Variants in ABAT observed in about 807,000 individuals in gnomAD.
The protein encoded by ABAT is 4-aminobutyrate aminotransferase.
Under a neutral mutation model 64.6 loss-of-function variants are expected in ABAT, and 45 were observed. That is an observed-to-expected ratio of 0.70 (90% CI 0.55 to 0.89). The LOEUF is 0.89. Ranked by LOEUF, ABAT falls within the 40% of genes least tolerant of loss-of-function variation. The pLI, the probability that ABAT is intolerant of heterozygous loss-of-function variation, is 0.00. For synonymous variants in ABAT, 297 were observed against 250.5 expected, an observed-to-expected ratio of 1.19 and a Z score of -1.75; for missense variants, 633 against 658.4, an observed-to-expected ratio of 0.96 and a Z score of 0.42.
chr16:8,754,669 T>TCTTTCTTTC (rs2059595626), intron 5 of ABAT, among the ~76,000 whole-genome samples: 3 of 8,806 alleles, frequency 3.4e-4, no homozygotes, highest in African/African-American at 4.7e-4. Flanking sequence ...TTGATTTATT[T>TCTTTCTTTC]ATTTCTTTCT....
intron 11 of ABAT, among the ~76,000 whole-genome samples, chr16:8,772,495 T>A (rs2060142556): frequency 6.6e-6 from 1 of 152,228 alleles, no homozygotes; most frequent in Admixed American, 6.5e-5. Context: ...AGGTGGATTC[T>A]GTCAGTGTGC....
chr16:8,722,832 G>A lies in ABAT; in HGVS notation c.-41-12867G>A, dbSNP rs756504205. 44 of 1,289,002 alleles carry A rather than the reference G, an allele frequency of 3.4e-5. 1 individual carries two copies. In the South Asian group the frequency reaches 5.4e-4, roughly 16 times the overall value. The allele number at this position is 1,289,002 out of a possible 1,614,324, so 79.8% of individuals were successfully genotyped here. A position where few individuals can be genotyped will look rare whatever the true frequency, so the allele number is the denominator to read the frequency against. On this transcript the variant is annotated intron_variant, in intron 1 of 15. Transcript: ENST00000268251. ...TAGAATCAAAGAGGGATATACTAATGCAACTTCGAGGTAGGAGCAAGGCTT... is the reference window on the plus strand; with the variant it reads ...TAGAATCAAAGAGGGATATACTAATACAACTTCGAGGTAGGAGCAAGGCTT...
chr16:8,776,161 C>T lies in ABAT; in HGVS notation c.1123-183C>T, dbSNP rs1230078504. Among the ~76,000 whole-genome samples the T allele has an allele frequency of 6.6e-6, 1 of 152,130 alleles. No homozygotes were observed. The highest frequency in any genetic ancestry group is 1.5e-5 in the Non-Finnish European group (1 of 68,028). ...AATTCAGCAAGATTGGGTGTGTTCTCCTGCTAGCCTCTGGTAGAGAAGAAT... is the reference window on the plus strand; with the variant it reads ...AATTCAGCAAGATTGGGTGTGTTCTTCTGCTAGCCTCTGGTAGAGAAGAAT... On this transcript the variant is annotated intron_variant, in intron 13 of 15. Coordinates refer to ENST00000268251, the MANE Select transcript of ABAT (RefSeq NM_020686.6). The surrounding 1 kb of genome is among the most constrained non-coding windows in gnomAD (Gnocchi z 4.4).
chr16:8,750,571 A>G lies in ABAT; in HGVS notation c.316+32A>G, dbSNP rs1297470047. 2.5e-6 allele frequency: 4 copies of G among 1,591,526 alleles called. No homozygotes were observed. In the African/African-American group the frequency reaches 5.4e-5, roughly 21 times the overall value. On this transcript the variant is annotated intron_variant, in intron 5 of 15. Transcript: ENST00000268251. Reference sequence around the variant, plus strand: ...GCTGGGAAATCATTCCTTGGATATAACCTCTGTTTCTGTCTCTCCTAGTCG... The same window carrying G: ...GCTGGGAAATCATTCCTTGGATATAGCCTCTGTTTCTGTCTCTCCTAGTCG...
At chr16:8,688,840 G>T (rs2057516114) in intron 1 of ABAT, among the ~76,000 whole-genome samples, 1 of 152,194 alleles carries the variant, frequency 6.6e-6, no homozygotes, top group South Asian at 2.1e-4. Flanking sequence ...CACTTTGGGA[G>T]GCCAAGGCAG....
chr16:8,723,507 G>A (rs1419085686), intron 1 of ABAT, among the ~76,000 whole-genome samples: 1 of 152,064 alleles, frequency 6.6e-6, no homozygotes, highest in East Asian at 1.9e-4. Flanking sequence ...CTCTTTCCTT[G>A]GCAACTCCAG....
chr16:8,772,302 G>A (rs1454562755), intron 11 of ABAT, among the ~76,000 whole-genome samples: 2 of 108,178 alleles, frequency 1.8e-5, no homozygotes, highest in Admixed American at 9.3e-5. Flanking sequence ...GTGTGTGTGT[G>A]TGAATGCTCT....
chr16:8,772,338 G>A (rs8056083), intron 11 of ABAT, among the ~76,000 whole-genome samples: 13,087 of 147,688 alleles, frequency 0.089, 1,515 homozygotes, highest in African/African-American at 0.28. Flanking sequence ...CAATATACCC[G>A]TGATGTAGCT....
intron 2 of ABAT, among the ~76,000 whole-genome samples, chr16:8,744,044 T>A (rs1445406397): frequency 6.6e-6 from 1 of 152,144 alleles, no homozygotes; most frequent in African/African-American, 2.4e-5. Context: ...GATTGTGGGA[T>A]TCACCCGGGA....
intron 5 of ABAT, among the ~76,000 whole-genome samples, chr16:8,751,898 G>A (rs2059497291): frequency 6.6e-6 from 1 of 152,224 alleles, no homozygotes; most frequent in African/African-American, 2.4e-5. Flanking sequence ...AATGCAGGTA[G>A]CTGCTATTTG....
intron 1 of ABAT, among the ~76,000 whole-genome samples, chr16:8,688,911 A>C (rs1426122001): frequency 1.3e-5 from 2 of 152,140 alleles, no homozygotes; most frequent in African/African-American, 4.8e-5. Flanking sequence ...TTCCATCTGT[A>C]CTAAAAATAC....
intron 15 of ABAT, among the ~76,000 whole-genome samples, chr16:8,779,955 A>G (rs2060384975): frequency 6.6e-6 from 1 of 152,184 alleles, no homozygotes; most frequent in South Asian, 2.1e-4. Context: ...CCTGGGAAGG[A>G]GAAAACGCAG....
intron 15 of ABAT, chr16:8,780,846 G>A: frequency 3.2e-6 from 1 of 316,236 alleles, no homozygotes; most frequent in Non-Finnish European, 6.0e-6. Context: ...TTTAAAATAA[G>A]CAGAGCCTGT....
intron 1 of ABAT, among the ~76,000 whole-genome samples, chr16:8,726,451 G>A (rs920467263): frequency 6.6e-6 from 1 of 151,900 alleles, no homozygotes; most frequent in Non-Finnish European, 1.5e-5. Context: ...TAGAGATGGG[G>A]TTTAGCCATG....
chr16:8,779,453 G>A (rs764030014), intron 14 of ABAT, 26 bp from the exon 15 acceptor site: 33 of 1,598,510 alleles, frequency 2.1e-5, no homozygotes, highest in South Asian at 1.8e-4. Context: ...GGGCTTTGAC[G>A]CCAGCCTTGT....
chr16:8,755,836 T>C (rs541899062), intron 5 of ABAT, among the ~76,000 whole-genome samples: 12 of 152,102 alleles, frequency 7.9e-5, no homozygotes, highest in African/African-American at 2.6e-4. Context: ...GATCACGAGG[T>C]CAGCAGATTG....
intron 1 of ABAT, among the ~76,000 whole-genome samples, chr16:8,691,626 A>G (rs1245173180): frequency 2.0e-5 from 3 of 152,190 alleles, no homozygotes; most frequent in African/African-American, 4.8e-5. Flanking sequence ...TTTTTAATAG[A>G]GAGGGGGTTT....
rs117091933 is a variant in ABAT, at chr16:8,761,521, T to C, written c.367-2548T>C. 4.3e-4 allele frequency among the ~76,000 whole-genome samples: 65 copies of C among 152,360 alleles called. No homozygotes were observed. The East Asian group carries it at 0.012, about 28-fold the overall frequency. ...GCTTCCAATGTGCCAAGCACTCTTT[T>C]TGGTGCTGGGATTTGATGGTGAATC... On this transcript the variant is annotated intron_variant, in intron 6 of 15. Coordinates refer to ENST00000268251, the MANE Select transcript of ABAT (RefSeq NM_020686.6).
In ABAT at chr16:8,779,565, G is replaced by T. The variant is rs1219517329; in HGVS notation, c.1356G>T (p.Lys452Asn). ...FDTPDDSIRNKLILIARNKGV... is the reference protein window; with the variant it reads ...FDTPDDSIRNNLILIARNKGV... The stretch of plus-strand genomic sequence containing the variant: ...CTCCCGATGATTCCATACGGAATAA[G>T]CTCATTTTAATTGCCAGAAACAAAG... Residue 452 changes from lysine (K) to asparagine (N), a missense_variant, in exon 15 of 16, where the codon AAG becomes AAT. By Grantham distance (94) the Lys-to-Asn change is moderately conservative. Transcript: ENST00000268251. The T allele has an allele frequency of 6.2e-7, 1 of 1,614,110 alleles. No individual in the cohort carries two copies. Among genetic ancestry groups the T allele is most frequent in the Non-Finnish European group, 8.5e-7 (1 of 1,179,990 alleles).
Sources: gnomAD v4.1 joint callset for allele counts (sites outside exome capture counted in the v4.1 genomes callset) on GRCh38, gnomAD v4.1.1 for gene constraint, Gnocchi (gnomAD v3.1) non-coding constraint, MANE v1.5 for transcripts, NCBI Gene and HGNC (gene_info 2026-07-23, HGNC 2026-07-21) for gene names.